DLC1: variants seen among roughly 807,000 people sequenced by gnomAD.
DLC1 encodes rho GTPase-activating protein 7.
In DLC1, 54 loss-of-function variants were observed where a neutral mutation model predicts 140.3. The ratio of observed to expected loss-of-function variants is 0.38; its 90% CI spans 0.31 to 0.48. The LOEUF (loss-of-function observed/expected upper bound fraction) is 0.48. DLC1 is among the 20% of genes least tolerant of loss of function. DLC1 has a pLI of 0.96. For missense variants in DLC1, 2,536 were observed against 1,907.0 expected, an observed-to-expected ratio of 1.33 and a Z score of -6.14; for synonymous variants, 986 against 728.1, an observed-to-expected ratio of 1.35 and a Z score of -5.70.
intron 1 of DLC1, among the ~76,000 whole-genome samples, chr8:13,530,973 A>C (rs1360398202): frequency 6.6e-6 from 1 of 152,164 alleles, no homozygotes; most frequent in Non-Finnish European, 1.5e-5. Flanking sequence ...GAGATGATGC[A>C]TTTGGGAGAC....
At chr8:13,592,419 T>C (rs1805545156) in intron 1 of DLC1, among the ~76,000 whole-genome samples, 2 of 152,122 alleles carry the variant, frequency 1.3e-5, no homozygotes, top group Admixed American at 1.3e-4. Context: ...TCTCCCATTT[T>C]TTGTAGCAAA....
chr8:13,314,612 A>G (rs1313827053), intron 4 of DLC1, among the ~76,000 whole-genome samples: 1 of 152,184 alleles, frequency 6.6e-6, no homozygotes, highest in African/African-American at 2.4e-5. Flanking sequence ...GTTCATCTGT[A>G]TTACCAAACA....
chr8:13,603,622 TC>T (rs1212795528), intron 1 of DLC1, among the ~76,000 whole-genome samples: 1 of 152,010 alleles, frequency 6.6e-6, no homozygotes, highest in African/African-American at 2.4e-5. Flanking sequence ...GCAATTTAAA[TC>T]TCCCCAGTAT....
At chr8:13,206,858 A>T (rs10113279) in intron 5 of DLC1, among the ~76,000 whole-genome samples, 5,125 of 150,356 alleles carry the variant, frequency 0.034, 285 homozygotes, top group African/African-American at 0.12. Flanking sequence ...TGACTTACTA[A>T]TTTTTTTTTT....
chr8:13,518,463 G>A (rs1802663344), upstream of DLC1, among the ~76,000 whole-genome samples: 1 of 152,182 alleles, frequency 6.6e-6, no homozygotes, highest in Non-Finnish European at 1.5e-5. Context: ...CATTAGCTAT[G>A]ATCATTTATC....
At chr8:13,351,258 G>A (rs1224218149) in intron 4 of DLC1, among the ~76,000 whole-genome samples, 1 of 152,170 alleles carries the variant, frequency 6.6e-6, no homozygotes, top group Non-Finnish European at 1.5e-5. Flanking sequence ...AAGGGGAAAA[G>A]GATTATTATC....
At chr8:13,272,184 A>G (rs982087474) in intron 5 of DLC1, among the ~76,000 whole-genome samples, 4 of 152,236 alleles carry the variant, frequency 2.6e-5, no homozygotes, top group Admixed American at 1.3e-4. Context: ...CCAGTGGCTC[A>G]TGCCTGTAAT....
At chr8:13,383,229 G>A (rs1230796089) in intron 4 of DLC1, among the ~76,000 whole-genome samples, 1 of 152,184 alleles carries the variant, frequency 6.6e-6, no homozygotes, top group African/African-American at 2.4e-5. Flanking sequence ...CTTCAAATAT[G>A]TGCCCTGTTG....
At chr8:13,155,578 C>G (rs1824194846) in intron 5 of DLC1, among the ~76,000 whole-genome samples, 2 of 151,994 alleles carry the variant, frequency 1.3e-5, no homozygotes, top group Admixed American at 1.3e-4. Context: ...TTAAATAAAA[C>G]TTAAATATTC....
intron 1 of DLC1, among the ~76,000 whole-genome samples, chr8:13,501,927 G>A (rs1489400859): frequency 6.6e-6 from 1 of 152,124 alleles, no homozygotes; most frequent in African/African-American, 2.4e-5. Context: ...AGGTAATAGG[G>A]TTTTAGATAC....
chr8:13,581,733 T>A (rs1020736287), intron 1 of DLC1, among the ~76,000 whole-genome samples: 10 of 152,198 alleles, frequency 6.6e-5, no homozygotes, highest in African/African-American at 2.4e-4. Context: ...ATCTATTCTA[T>A]CGCTTCCCAT....
At chr8:13,258,081 G>A (rs1313468520) in intron 5 of DLC1, among the ~76,000 whole-genome samples, 1 of 152,214 alleles carries the variant, frequency 6.6e-6, no homozygotes. Context: ...TCCTTGTAGT[G>A]TTTTAGAGTG....
chr8:13,255,001 G>C (rs1830160683), intron 5 of DLC1, among the ~76,000 whole-genome samples: 1 of 151,030 alleles, frequency 6.6e-6, no homozygotes, highest in Non-Finnish European at 1.5e-5. Flanking sequence ...TTTTGAGATG[G>C]AGTCCCACTC....
At chr8:13,172,277 G>A (rs1316197212) in intron 5 of DLC1, among the ~76,000 whole-genome samples, 3 of 152,156 alleles carry the variant, frequency 2.0e-5, no homozygotes, top group African/African-American at 4.8e-5. Flanking sequence ...CCCTGATAGG[G>A]TGTGGCCAGC....
intron 5 of DLC1, among the ~76,000 whole-genome samples, chr8:13,213,886 C>T (rs916553975): frequency 8.6e-5 from 13 of 151,668 alleles, no homozygotes; most frequent in African/African-American, 1.7e-4. Flanking sequence ...CGAGTTAAAG[C>T]GATTCTCATG....
intron 4 of DLC1, among the ~76,000 whole-genome samples, chr8:13,350,461 A>T (rs188093779): frequency 2.1e-3 from 320 of 152,294 alleles, no homozygotes; most frequent in African/African-American, 6.9e-3. Context: ...CACGTCTGTA[A>T]TCTCAGCACT....
rs150382634 is a variant in DLC1, at chr8:13,473,278, G to A, written c.1023+25771C>T. Among the ~76,000 whole-genome samples the A allele has an allele frequency of 3.4e-3, 525 of 152,238 alleles. 3 individuals are homozygous for A. The highest frequency in any genetic ancestry group is 0.012 in the African/African-American group (512 of 41,526). On this transcript the variant is annotated intron_variant, in intron 2 of 17. Coordinates refer to ENST00000276297, the MANE Select transcript of DLC1 (RefSeq NM_182643.3). ...CTCATGTTTAATTCCCACATGTTGT[G>A]GGAAGGACCTGGTGGGAGGTAATTG... is the stretch of plus-strand genomic sequence containing the variant.
chr8:13,139,288 CAAAAAAAAAA>C (rs67684524), intron 5 of DLC1, among the ~76,000 whole-genome samples: 13 of 49,280 alleles, frequency 2.6e-4, no homozygotes, highest in Non-Finnish European at 4.8e-4. Context: ...GACCCTGTCT[CAAAAAAAAAA>C]AAAAAAAAAA....
Position 13,203,530 on chromosome 8 carries a change from T to G in DLC1, c.1349-87873A>C, listed in dbSNP as rs544929318. On this transcript the variant is annotated intron_variant, in intron 5 of 17. Transcript: ENST00000276297. ...GAATAGGAAGAAGTTGAAGAAAACC[T>G]GGAGATTGTGCGCAATCCTGTCTGA... is the stretch of plus-strand genomic sequence containing the variant. Among the ~76,000 whole-genome samples the G allele has an allele frequency of 3.3e-5, 5 of 152,354 alleles. No individual in the cohort carries two copies. The South Asian group carries it at 1.0e-3, about 32-fold the overall frequency.
Sources: gnomAD v4.1 joint callset for allele counts (sites outside exome capture counted in the v4.1 genomes callset) on GRCh38, gnomAD v4.1.1 for gene constraint, MANE v1.5 for transcripts, NCBI Gene and HGNC (gene_info 2026-07-23, HGNC 2026-07-21) for gene names.